Variants in BICC1 observed in about 807,000 individuals in gnomAD.
BICC1 encodes protein bicaudal C homolog 1.
Under a neutral mutation model 111.0 loss-of-function variants are expected in BICC1, and 43 were observed. That is an observed-to-expected ratio of 0.39 (90% CI 0.30 to 0.50). BICC1 has a LOEUF of 0.50. Among genes scored for constraint, BICC1 ranks in the 20% least tolerant of loss-of-function variants. The pLI is 0.88. For missense variants in BICC1, 1,091 were observed against 1,203.2 expected (o/e 0.91, Z 1.38); for synonymous variants, 467 against 434.4 (o/e 1.07, Z -0.93).
rs373711452 is a variant in BICC1 at position 58,796,440 on chromosome 10, G to T, written c.1280G>T (p.Ser427Ile). 4 of 1,614,022 alleles carry T rather than the reference G, an allele frequency of 2.5e-6. No homozygotes were observed. The African/African-American group carries it at 5.3e-5, about 22-fold the overall frequency. ...AGCAGTGGGGTTACCATAGCAACCA[G>T]TCCATCCCCAGCATCCTGCCCTGCC... is the stretch of plus-strand genomic sequence containing the variant. ...LESSGVTIAT[S>I]PSPASCPAGL... The change falls in exon 10 of 21, where the codon AGT becomes ATT. Residue 427 changes from serine (S) to isoleucine (I), a missense_variant. Ser to Ile is a moderately radical substitution (Grantham distance 142, BLOSUM62 -2). Coordinates refer to ENST00000373886, the MANE Select transcript of BICC1 (RefSeq NM_001080512.3).
intron 3 of BICC1, among the ~76,000 whole-genome samples, chr10:58,768,694 A>C (rs1842527107): frequency 1.1e-4 from 1 of 8,992 alleles, no homozygotes; most frequent in Non-Finnish European, 3.0e-4. Flanking sequence ...CATAACATCA[A>C]AAAAAATGGG....
intron 3 of BICC1, among the ~76,000 whole-genome samples, chr10:58,702,893 C>T (rs1209058773): frequency 6.6e-6 from 1 of 152,100 alleles, no homozygotes; most frequent in Non-Finnish European, 1.5e-5. Flanking sequence ...TAATTGCAGT[C>T]TGAGCTGCAA....
At chr10:58,685,473 A>C (rs1008889662) in intron 2 of BICC1, among the ~76,000 whole-genome samples, 2 of 152,154 alleles carry the variant, frequency 1.3e-5, no homozygotes, top group East Asian at 1.9e-4. Flanking sequence ...AGGGTGTTAA[A>C]ATCTTCCGTT....
At chr10:58,639,072 C>CT (rs543659426) in intron 2 of BICC1, among the ~76,000 whole-genome samples, 297 of 152,104 alleles carry the variant, frequency 2.0e-3, no homozygotes, top group African/African-American at 6.8e-3. Flanking sequence ...ATATAATTAT[C>CT]TTTTTTGTGG....
intron 2 of BICC1, among the ~76,000 whole-genome samples, chr10:58,701,217 A>G (rs1173618646): frequency 6.6e-6 from 1 of 152,188 alleles, no homozygotes; most frequent in Non-Finnish European, 1.5e-5. Context: ...AAATTAATAC[A>G]TGATTTTTTT....
chr10:58,668,107 A>G (rs1314102160), intron 2 of BICC1, among the ~76,000 whole-genome samples: 2 of 152,118 alleles, frequency 1.3e-5, no homozygotes, highest in South Asian at 2.1e-4. Flanking sequence ...AAGAAAATGC[A>G]TAGCATGCAA....
chr10:58,693,150 G>C (rs1839963393), intron 2 of BICC1, among the ~76,000 whole-genome samples: 1 of 152,064 alleles, frequency 6.6e-6, no homozygotes, highest in Admixed American at 6.5e-5. Context: ...TGAGAATGAT[G>C]GTTTCCAGTT....
chr10:58,512,490 T>G (rs938910765), upstream of BICC1, among the ~76,000 whole-genome samples: 1 of 152,004 alleles, frequency 6.6e-6, no homozygotes, highest in Non-Finnish European at 1.5e-5. Context: ...GAACTTGGCG[T>G]GTTTGTGTTT....
chr10:58,677,288 G>A (rs990924679), intron 2 of BICC1, among the ~76,000 whole-genome samples: 1 of 152,148 alleles, frequency 6.6e-6, no homozygotes, highest in African/African-American at 2.4e-5. Flanking sequence ...CCAATGCAAA[G>A]GAAGCTGAGA....
intron 3 of BICC1, among the ~76,000 whole-genome samples, chr10:58,710,172 G>A (rs1317571665): frequency 6.6e-6 from 1 of 152,132 alleles, no homozygotes; most frequent in Non-Finnish European, 1.5e-5. Flanking sequence ...TTCGGATGAA[G>A]AAACTAAAGC....
chr10:58,654,253 C>A (rs1838553507), intron 2 of BICC1, among the ~76,000 whole-genome samples: 1 of 125,636 alleles, frequency 8.0e-6, no homozygotes, highest in Non-Finnish European at 1.7e-5. Flanking sequence ...TGAGGAATTG[C>A]CACACTGACT....
At chr10:58,731,398 G>GC (rs1217148919) in intron 3 of BICC1, among the ~76,000 whole-genome samples, 1 of 151,970 alleles carries the variant, frequency 6.6e-6, no homozygotes, top group Non-Finnish European at 1.5e-5. Flanking sequence ...CTTCTTCTGA[G>GC]CCCCCCATAC....
intron 1 of BICC1, among the ~76,000 whole-genome samples, chr10:58,547,385 G>A (rs1409441355): frequency 6.6e-6 from 1 of 152,046 alleles, no homozygotes; most frequent in African/African-American, 2.4e-5. Context: ...TCATGATTAT[G>A]TATTTTTGGG....
chr10:58,528,352 G>A (rs1172868516), intron 1 of BICC1, among the ~76,000 whole-genome samples: 2 of 151,808 alleles, frequency 1.3e-5, no homozygotes, highest in African/African-American at 2.4e-5. Context: ...ATGAGGATAT[G>A]CAAAACTTAA....
At chr10:58,660,985 A>G (rs1349482357) in intron 2 of BICC1, among the ~76,000 whole-genome samples, 2 of 152,188 alleles carry the variant, frequency 1.3e-5, no homozygotes, top group South Asian at 2.1e-4. Flanking sequence ...TTCTCCCACA[A>G]GTGGAATAGA....
At chr10:58,553,507 A>C (rs891203935) in intron 1 of BICC1, among the ~76,000 whole-genome samples, 2 of 152,188 alleles carry the variant, frequency 1.3e-5, no homozygotes, top group Non-Finnish European at 2.9e-5. Context: ...ATTTTAACCC[A>C]GTGAAATCCA....
At chr10:58,694,982 T>A (rs1357243273) in intron 2 of BICC1, among the ~76,000 whole-genome samples, 1 of 152,214 alleles carries the variant, frequency 6.6e-6, no homozygotes. Context: ...GGATTCTAGC[T>A]GGACTTTGCC....
In BICC1 at chr10:58,823,010, A is replaced by G. The variant is rs554241009; in HGVS notation, c.2794+2542A>G. On this transcript the variant is annotated intron_variant, in intron 20 of 20. Transcript: ENST00000373886. ...ATTTAATGTTATAGCAGTAGATGAA[A>G]TTTATCTCCAATGGAGATGGATCAA... Among the ~76,000 whole-genome samples, 9 of 151,628 alleles carry G rather than the reference A, an allele frequency of 5.9e-5. No individual in the cohort carries two copies. In the East Asian group the frequency reaches 1.7e-3, roughly 29 times the overall value.
chr10:58,651,815 C>T (rs1838458624), intron 2 of BICC1, among the ~76,000 whole-genome samples: 1 of 152,060 alleles, frequency 6.6e-6, no homozygotes, highest in South Asian at 2.1e-4. Context: ...TAGTGGATGA[C>T]TGAAATCATA....
Sources: gnomAD v4.1 joint callset for allele counts (sites outside exome capture counted in the v4.1 genomes callset) on GRCh38, gnomAD v4.1.1 for gene constraint, MANE v1.5 for transcripts, NCBI Gene and HGNC (gene_info 2026-07-23, HGNC 2026-07-21) for gene names.